The following FNDC3B variants were observed in gnomAD, a reference collection of about 807,000 sequenced individuals.
The protein encoded by FNDC3B is fibronectin type III domain containing 3B.
In FNDC3B, 12 loss-of-function variants were observed where a neutral mutation model predicts 151.5. The observed-to-expected ratio is 0.08, with a 90% CI of 0.05 to 0.13. The LOEUF (loss-of-function observed/expected upper bound fraction) is 0.13, where lower values mean the gene tolerates loss of function less well. Ranked by LOEUF, FNDC3B falls within the 10% of genes least tolerant of loss-of-function variation. The probability of loss-of-function intolerance (pLI) is 1.00; values close to 1 mark genes in which losing one functional copy is unlikely to be tolerated. For synonymous variants in FNDC3B, 528 were observed against 549.0 expected (o/e 0.96, Z 0.54); for missense variants, 1,214 against 1,505.3 (o/e 0.81, Z 3.20).
At chr3:172,081,627 C>T (rs1399120826) in intron 1 of FNDC3B, among the ~76,000 whole-genome samples, 2 of 151,960 alleles carry the variant, frequency 1.3e-5, no homozygotes, top group East Asian at 3.8e-4. Context: ...TTCCTTAGAT[C>T]GATAATATGC....
intron 12 of FNDC3B, chr3:172,330,010 C>T (rs181974910): frequency 1.6e-4 from 24 of 152,242 alleles, no homozygotes; most frequent in African/African-American, 5.6e-4. Context: ...TAAACATTGC[C>T]TTGTGCTATA....
rs1167627679 is a variant in FNDC3B at position 172,392,810 on chromosome 3, C to CTTTTTTT, written c.3304-4348_3304-4342dup. ...GAATGAATTTTTTCTTTTTTTTTTT[C>CTTTTTTT]TTTTTTTTTTTTCAGACAGAGAGTA... is the stretch of plus-strand genomic sequence containing the variant. On this transcript the variant is annotated intron_variant, in intron 25 of 25. Coordinates refer to ENST00000415807, the MANE Select transcript of FNDC3B (RefSeq NM_022763.4). Among the ~76,000 whole-genome samples, 728 of 99,848 alleles carry CTTTTTTT rather than the reference C, an allele frequency of 7.3e-3. 55 individuals are homozygous for CTTTTTTT. Among genetic ancestry groups the CTTTTTTT allele is most frequent in the African/African-American group, 0.011 (308 of 27,920 alleles). 65.5% of individuals were successfully genotyped at this position (99,848 alleles called of 152,430 possible). A position where few individuals can be genotyped will look rare whatever the true frequency, so the allele number is the denominator to read the frequency against.
chr3:172,386,762 A>G (rs1447455447), intron 25 of FNDC3B, among the ~76,000 whole-genome samples: 10 of 150,830 alleles, frequency 6.6e-5, no homozygotes, highest in African/African-American at 2.2e-4. Flanking sequence ...AAAAAAAGAA[A>G]AAAAAAAAAA....
intron 1 of FNDC3B, among the ~76,000 whole-genome samples, chr3:172,050,652 G>A (rs1716595392): frequency 6.6e-6 from 1 of 151,954 alleles, no homozygotes; most frequent in Admixed American, 6.6e-5. Flanking sequence ...CCAAAGTGCT[G>A]GGATTACAGG....
intron 25 of FNDC3B, among the ~76,000 whole-genome samples, chr3:172,392,247 G>A (rs1347262148): frequency 6.6e-6 from 1 of 152,192 alleles, no homozygotes; most frequent in African/African-American, 2.4e-5. Context: ...CTAGCTATTT[G>A]TAACTCAAAC....
At chr3:172,065,799 T>G (rs1408480486) in intron 1 of FNDC3B, among the ~76,000 whole-genome samples, 4 of 152,260 alleles carry the variant, frequency 2.6e-5, no homozygotes, top group African/African-American at 9.6e-5. Context: ...TTGTCATGTT[T>G]ATATTAGAAC....
At position 172,399,228 on chromosome 3, in the gene FNDC3B, G is replaced by T. The variant is rs955099085; in HGVS notation, c.*1753G>T. The T allele has an allele frequency of 6.6e-6, 1 of 152,514 alleles. No individual in the cohort carries two copies. The highest frequency in any genetic ancestry group is 1.9e-4 in the East Asian group (1 of 5,190). 9.4% of individuals were successfully genotyped at this position (152,514 alleles called of 1,614,324 possible). A position where few individuals can be genotyped will look rare whatever the true frequency, so the allele number is the denominator to read the frequency against. On this transcript the variant is annotated 3_prime_UTR_variant, in exon 26 of 26. Coordinates refer to ENST00000415807, the MANE Select transcript of FNDC3B (RefSeq NM_022763.4). Reference sequence around the variant, plus strand: ...CTTTATTTATTGTAAAATTTTTTAAGTGTACTTATGTACTAATTTTCCCTT... The same window carrying T: ...CTTTATTTATTGTAAAATTTTTTAATTGTACTTATGTACTAATTTTCCCTT...
At chr3:172,281,140 G>A (rs1729688027) in intron 6 of FNDC3B, among the ~76,000 whole-genome samples, 1 of 151,778 alleles carries the variant, frequency 6.6e-6, no homozygotes. Context: ...ACCATTAAAT[G>A]TGCCTATATC....
Position 172,247,806 on chromosome 3 carries a change from C to T in FNDC3B, c.508+30C>T, listed in dbSNP as rs368705635. 4.1e-5 allele frequency: 66 copies of T among 1,611,642 alleles called. No individual in the cohort carries two copies. In the African/African-American group the frequency reaches 6.3e-4, roughly 15 times the overall value. The stretch of plus-strand genomic sequence containing the variant: ...GTAGATTTTCGTTGGCGTCAGGAGC[C>T]GTTGAAACTGATTACAGCGTTTCAA... On this transcript the variant is annotated intron_variant, in intron 5 of 25. Transcript: ENST00000415807.
intron 23 of FNDC3B, among the ~76,000 whole-genome samples, chr3:172,370,165 G>C (rs1425001816): frequency 6.6e-6 from 1 of 152,072 alleles, no homozygotes; most frequent in Non-Finnish European, 1.5e-5. Flanking sequence ...AGATAACAAG[G>C]TAGTAAATAT....
chr3:172,277,393 G>A lies in FNDC3B; in HGVS notation c.791-8533G>A, dbSNP rs186340449. On this transcript the variant is annotated intron_variant, in intron 6 of 25. Coordinates refer to ENST00000415807, the MANE Select transcript of FNDC3B (RefSeq NM_022763.4). Reference sequence around the variant, plus strand: ...TGTCTTCCTGATTTATAGATGGCACGTTTGTGCTATGTCCTTGTGTGGCTG... The same window carrying A: ...TGTCTTCCTGATTTATAGATGGCACATTTGTGCTATGTCCTTGTGTGGCTG... Among the ~76,000 whole-genome samples the A allele has an allele frequency of 5.3e-5, 8 of 152,268 alleles. No homozygotes were observed. The East Asian group carries it at 5.8e-4, about 11-fold the overall frequency.
intron 13 of FNDC3B, 89 bp downstream of exon 13, chr3:172,330,804 A>G (rs6787360): frequency 0.065 from 67,832 of 1,037,364 alleles, 5,082 homozygotes; most frequent in African/African-American, 0.34. Flanking sequence ...GATTAACTGC[A>G]TCAGTTCAAA....
At chr3:172,073,519 C>T (rs1293284682) in intron 1 of FNDC3B, among the ~76,000 whole-genome samples, 2 of 152,142 alleles carry the variant, frequency 1.3e-5, no homozygotes, top group African/African-American at 4.8e-5. Flanking sequence ...GCAAAACAAC[C>T]TTTGGGAGGG....
chr3:172,251,635 T>C, intron 6 of FNDC3B, 94 bp downstream of exon 6: 4 of 1,242,584 alleles, frequency 3.2e-6, no homozygotes, highest in African/African-American at 1.5e-5. Context: ...TATTATTTCA[T>C]GGTGGTTGGT....
chr3:172,086,103 G>A (rs1268034957), intron 1 of FNDC3B, among the ~76,000 whole-genome samples: 1 of 152,200 alleles, frequency 6.6e-6, no homozygotes. Context: ...GTTCACACCT[G>A]TATTCCCAGC....
intron 25 of FNDC3B, among the ~76,000 whole-genome samples, chr3:172,390,568 G>T (rs1231708736): frequency 1.3e-5 from 2 of 151,064 alleles, no homozygotes; most frequent in African/African-American, 4.9e-5. Context: ...CTTAACCAGG[G>T]TTTGTCTTGA....
intron 1 of FNDC3B, among the ~76,000 whole-genome samples, chr3:172,104,699 G>A (rs1719556004): frequency 6.6e-6 from 1 of 152,290 alleles, no homozygotes; most frequent in South Asian, 2.1e-4. Context: ...ACTGGGAAGA[G>A]AAAGAAAAGC....
At chr3:172,199,755 T>C (rs1725041591) in intron 3 of FNDC3B, among the ~76,000 whole-genome samples, 1 of 152,140 alleles carries the variant, frequency 6.6e-6, no homozygotes, top group African/African-American at 2.4e-5. Context: ...TATACACACA[T>C]TTAAGAAAGA....
chr3:172,130,709 T>C (rs1295610988), intron 2 of FNDC3B, among the ~76,000 whole-genome samples: 1 of 152,224 alleles, frequency 6.6e-6, no homozygotes, highest in Non-Finnish European at 1.5e-5. Flanking sequence ...TGCCTGGGAC[T>C]TTCCGTAATA....
Sources: allele counts gnomAD v4.1 joint callset (sites outside exome capture counted in the v4.1 genomes callset), GRCh38; gene constraint gnomAD v4.1.1; transcripts MANE v1.5; gene names NCBI Gene and HGNC (gene_info 2026-07-23, HGNC 2026-07-21).